The following PLPP1 variants were observed in gnomAD, a reference collection of about 807,000 sequenced individuals.
PLPP1 encodes the protein lipid phosphate phosphohydrolase 1a.
A neutral mutation model predicts 31.2 loss-of-function variants in PLPP1; 24 were observed. The ratio of observed to expected loss-of-function variants is 0.77; its 90% CI spans 0.56 to 1.08. The LOEUF is 1.08. PLPP1 is among the 50% of genes least tolerant of loss of function. The probability of loss-of-function intolerance (pLI) is 0.00; values close to 1 mark genes in which losing one functional copy is unlikely to be tolerated. For synonymous variants in PLPP1, 146 were observed against 126.3 expected, an observed-to-expected ratio of 1.16 and a Z score of -1.05; for missense variants, 319 against 342.7, an observed-to-expected ratio of 0.93 and a Z score of 0.55.
intron 3 of PLPP1, among the ~76,000 whole-genome samples, chr5:55,454,787 G>C (rs1292699583): frequency 9.9e-6 from 1 of 101,120 alleles, no homozygotes; most frequent in Non-Finnish European, 2.2e-5. Flanking sequence ...AAGCTGTCTA[G>C]TTACTGACAT....
intron 3 of PLPP1, among the ~76,000 whole-genome samples, chr5:55,463,512 T>G (rs1324932369): frequency 6.6e-6 from 1 of 151,740 alleles, no homozygotes; most frequent in African/African-American, 2.4e-5. Flanking sequence ...AATACAAAAA[T>G]TAGCTGGGCA....
intron 1 of PLPP1, among the ~76,000 whole-genome samples, chr5:55,505,388 G>A (rs980584113): frequency 3.3e-5 from 5 of 151,160 alleles, no homozygotes; most frequent in South Asian, 2.1e-4. Flanking sequence ...GAGGCCAGGA[G>A]TTCAAGACCA....
At chr5:55,478,992 A>C (rs1054190408) in intron 1 of PLPP1, among the ~76,000 whole-genome samples, 12 of 151,880 alleles carry the variant, frequency 7.9e-5, no homozygotes, top group African/African-American at 2.4e-4. Flanking sequence ...ATAATGGCCA[A>C]TATTTGCCAT....
chr5:55,462,390 A>G (rs1241490693), intron 3 of PLPP1, among the ~76,000 whole-genome samples: 1 of 152,218 alleles, frequency 6.6e-6, no homozygotes, highest in East Asian at 1.9e-4. Context: ...TCAATGTGAA[A>G]ATGTTTTTTT....
At chr5:55,530,633 T>C (rs1740629781) in intron 1 of PLPP1, 5 of 1,587,072 alleles carry the variant, frequency 3.2e-6, no homozygotes, top group Non-Finnish European at 4.3e-6. Context: ...TTGCACAGCA[T>C]CTGCAGCTAC....
chr5:55,440,328 G>C (rs900252198), intron 4 of PLPP1, among the ~76,000 whole-genome samples: 1 of 152,200 alleles, frequency 6.6e-6, no homozygotes, highest in Non-Finnish European at 1.5e-5. Context: ...GCTCTGGGAA[G>C]AGCTCTCAGG....
intron 4 of PLPP1, among the ~76,000 whole-genome samples, chr5:55,434,053 T>TA (rs1751433754): frequency 6.7e-6 from 1 of 149,288 alleles, no homozygotes; most frequent in African/African-American, 2.5e-5. Flanking sequence ...CGCTTGAACT[T>TA]AGGAGGTGGA....
At chr5:55,466,809 T>TA (rs1190882806) in intron 3 of PLPP1, among the ~76,000 whole-genome samples, 1 of 44,188 alleles carries the variant, frequency 2.3e-5, no homozygotes, top group East Asian at 3.7e-4. Context: ...AAATCATATC[T>TA]AAAAAAATCA....
At chr5:55,443,136 A>G (rs994254937) in intron 3 of PLPP1, among the ~76,000 whole-genome samples, 1 of 143,338 alleles carries the variant, frequency 7.0e-6, no homozygotes, top group African/African-American at 2.6e-5. Context: ...TCACGTGTGT[A>G]TGTTTGGCAG....
chr5:55,486,920 A>C (rs949543107), intron 1 of PLPP1, among the ~76,000 whole-genome samples: 1 of 152,204 alleles, frequency 6.6e-6, no homozygotes, highest in African/African-American at 2.4e-5. Context: ...CTCAAAAAAA[A>C]AAAAGTGATT....
At chr5:55,472,775 GGAA>G (rs1179017595) in intron 2 of PLPP1, among the ~76,000 whole-genome samples, 102 of 40,590 alleles carry the variant, frequency 2.5e-3, no homozygotes, top group African/African-American at 5.5e-3. Context: ...AAGAGGAAGA[GGAA>G]GAAGAAGAAG....
chr5:55,429,132 G>A (rs1751283019), intron 4 of PLPP1, among the ~76,000 whole-genome samples: 1 of 152,126 alleles, frequency 6.6e-6, no homozygotes, highest in African/African-American at 2.4e-5. Context: ...AATTTCAAAA[G>A]TAGTAGGAAG....
chr5:55,456,988 C>T (rs181961038), intron 3 of PLPP1, among the ~76,000 whole-genome samples: 3 of 151,832 alleles, frequency 2.0e-5, no homozygotes, highest in Admixed American at 6.6e-5. Flanking sequence ...GGTGAAACCC[C>T]GTCTCTACTA....
chr5:55,467,440 C>G (rs1752326253), intron 3 of PLPP1, among the ~76,000 whole-genome samples: 1 of 151,598 alleles, frequency 6.6e-6, no homozygotes, highest in Non-Finnish European at 1.5e-5. Flanking sequence ...TACCCCAGCA[C>G]TTTGGGAGGC....
intron 1 of PLPP1, among the ~76,000 whole-genome samples, chr5:55,530,880 G>T (rs1740639432): frequency 1.3e-5 from 2 of 152,236 alleles, no homozygotes; most frequent in Admixed American, 6.5e-5. Context: ...CCATGGCGGG[G>T]GATGGGGGAA....
chr5:55,508,408 T>C (rs1183406930), intron 1 of PLPP1, among the ~76,000 whole-genome samples: 1 of 152,200 alleles, frequency 6.6e-6, no homozygotes, highest in Non-Finnish European at 1.5e-5. Context: ...CTAAAACACA[T>C]GATCCAAGAA....
At chr5:55,458,377 A>G (rs955572545) in intron 3 of PLPP1, among the ~76,000 whole-genome samples, 3 of 152,310 alleles carry the variant, frequency 2.0e-5, no homozygotes, top group South Asian at 4.1e-4. Context: ...ATAATAAACT[A>G]ATACATATAT....
intron 2 of PLPP1, among the ~76,000 whole-genome samples, chr5:55,473,660 G>A (rs894013541): frequency 7.2e-5 from 11 of 151,962 alleles, no homozygotes; most frequent in African/African-American, 2.7e-4. Context: ...ATCTGTGTGT[G>A]TGTGTCTGTG....
intron 2 of PLPP1, among the ~76,000 whole-genome samples, chr5:55,474,199 G>A (rs934708790): frequency 6.6e-5 from 10 of 151,542 alleles, no homozygotes; most frequent in African/African-American, 2.4e-4. Context: ...GTTTCACCAG[G>A]TTGGCCAGGC....
Sources: allele counts gnomAD v4.1 joint callset (sites outside exome capture counted in the v4.1 genomes callset), GRCh38; gene constraint gnomAD v4.1.1; transcripts MANE v1.5; gene names NCBI Gene and HGNC (gene_info 2026-07-23, HGNC 2026-07-21).